The following THBS1 variants were observed in gnomAD, a reference collection of about 807,000 sequenced individuals.
THBS1 encodes the protein thrombospondin 1.
A neutral mutation model predicts 126.1 loss-of-function variants in THBS1; 29 were observed. The ratio of observed to expected loss-of-function variants is 0.23; its 90% confidence interval spans 0.17 to 0.31. The LOEUF (loss-of-function observed/expected upper bound fraction) is 0.31, where lower values mean the gene tolerates loss of function less well. Among genes scored for constraint, THBS1 ranks in the 10% least tolerant of loss-of-function variants. The probability of loss-of-function intolerance (pLI) is 1.00; values close to 1 mark genes in which losing one functional copy is unlikely to be tolerated. For synonymous variants in THBS1, 496 were observed against 577.8 expected (o/e 0.86, Z 2.03); for missense variants, 1,198 against 1,545.2 (o/e 0.78, Z 3.77).
In THBS1 at chr15:39,592,226, C is replaced by A. The variant is rs1566841835; in HGVS notation, c.2533-342C>A. Among the ~76,000 whole-genome samples, 1 of 152,130 alleles carries A rather than the reference C, an allele frequency of 6.6e-6. No homozygotes were observed. Among genetic ancestry groups the A allele is most frequent in the Non-Finnish European group, 1.5e-5 (1 of 68,010 alleles). On this transcript the variant is annotated intron_variant, in intron 16 of 21. Coordinates refer to ENST00000260356, the MANE Select transcript of THBS1 (RefSeq NM_003246.4). This position sits in a 1 kb window ranked among gnomAD's most constrained non-coding sequence, Gnocchi z 4.3. Reference sequence around the variant, plus strand: ...AAGGAAATTCTCTGTTATAAAGTATCCAGAAAATTTCATTTAACATTAAGA... The same window carrying A: ...AAGGAAATTCTCTGTTATAAAGTATACAGAAAATTTCATTTAACATTAAGA...
Position 39,592,472 on chromosome 15 carries a change from A to G in THBS1, c.2533-96A>G, listed in dbSNP as rs919613569. Reference sequence around the variant, plus strand: ...ACATGACACCCCACTGGCTGTATCAAACAATGGAGAATTTTCCCTGTGGTG... The same window carrying G: ...ACATGACACCCCACTGGCTGTATCAGACAATGGAGAATTTTCCCTGTGGTG... On this transcript the variant is annotated intron_variant, in intron 16 of 21. Coordinates refer to ENST00000260356, the MANE Select transcript of THBS1 (RefSeq NM_003246.4). This position sits in a 1 kb window ranked among gnomAD's most constrained non-coding sequence, Gnocchi z 4.3. 4.0e-6 allele frequency: 4 copies of G among 1,009,880 alleles called. No individual in the cohort carries two copies. The highest frequency in any genetic ancestry group is 5.9e-6 in the Non-Finnish European group (4 of 682,796). The allele number at this position is 1,009,880 out of a possible 1,614,324, so 62.6% of individuals were successfully genotyped here. A position where few individuals can be genotyped will look rare whatever the true frequency, so the allele number is the denominator to read the frequency against.
chr15:39,593,920 G>T lies in THBS1; in HGVS notation c.3268-179G>T, dbSNP rs529395643. 540 of 872,398 alleles carry T rather than the reference G, an allele frequency of 6.2e-4. 1 individual carries two copies. The highest frequency in any genetic ancestry group is 2.4e-3 in the Admixed American group (82 of 34,228). 54.0% of individuals were successfully genotyped at this position (872,398 alleles called of 1,614,324 possible). On this transcript the variant is annotated intron_variant, in intron 19 of 21. Transcript: ENST00000260356. This position sits in a 1 kb window ranked among gnomAD's most constrained non-coding sequence, Gnocchi z 5.9. ...AAACCTCCTTCCCTCCTCTCTGTCT[G>T]CTTTATATGTGTGCTCAGTGGCACA...
chr15:39,587,323 G>A lies in THBS1; in HGVS notation c.1121-24G>A, dbSNP rs761816380. The A allele has an allele frequency of 5.6e-6, 9 of 1,600,822 alleles. No homozygotes were observed. In the Admixed American group the frequency reaches 6.7e-5, roughly 12 times the overall value. ...AGCTTGTCCTAATCATCACGTACCT[G>A]ATGAACCTCTGTTTCCCCTGCAGCC... On this transcript the variant is annotated intron_variant, in intron 7 of 21. Transcript: ENST00000260356.
rs750132756 is a variant in THBS1, at chr15:39,593,122, C to T, written c.2890C>T (p.Pro964Ser). ...ETDFRRFQMI[P>S]LDPKGTSQND... The stretch of plus-strand genomic sequence containing the variant: ...CGATTTCCGCCGATTCCAGATGATT[C>T]CTCTGGACCCCAAAGGGACATCCCA... The change falls in exon 18 of 22, where the codon CCT (proline) becomes TCT (serine). Residue 964 changes from proline (P) to serine (S), a missense_variant. By Grantham distance (74) the Pro-to-Ser change is moderately conservative (BLOSUM62 -1). This residue lies in a region of THBS1 where 255 missense variants were observed against 373.9 expected (regional missense o/e 0.68). Coordinates refer to ENST00000260356, the MANE Select transcript of THBS1 (RefSeq NM_003246.4). The surrounding 1 kb of genome is among the most constrained non-coding windows in gnomAD (Gnocchi z 5.9). 1 of 1,599,794 alleles carries T rather than the reference C, an allele frequency of 6.3e-7. No individual in the cohort carries two copies. Among genetic ancestry groups the T allele is most frequent in the Non-Finnish European group, 8.5e-7 (1 of 1,173,782 alleles).
Position 39,594,733 on chromosome 15 carries a change from A to G in THBS1, c.3505+293A>G, listed in dbSNP as rs369152657. 3.0e-4 allele frequency among the ~76,000 whole-genome samples: 46 copies of G among 152,318 alleles called. No homozygotes were observed. The East Asian group carries it at 8.1e-3, about 27-fold the overall frequency. Reference sequence around the variant, plus strand: ...ATATAATTTGGACTTCATTAATAATACTGTTCTTTACAATTATATATTTAT... The same window carrying G: ...ATATAATTTGGACTTCATTAATAATGCTGTTCTTTACAATTATATATTTAT... On this transcript the variant is annotated intron_variant, in intron 21 of 21. Transcript: ENST00000260356. The surrounding 1 kb of genome is among the most constrained non-coding windows in gnomAD (Gnocchi z 4.4).
Position 39,590,594 on chromosome 15 carries a change from G to A in THBS1, c.2224G>A (p.Asp742Asn), listed in dbSNP as rs1350969818. ...AATTGGTGATGCCTGTGATGATGAC[G>A]ATGACAATGATAAAATTCCAGATGA... ...DGIGDACDDD[D>N]DNDKIPDDRD... Residue 742 changes from aspartate (D) to asparagine (N), a missense_variant, in exon 14 of 22, where the codon GAT (aspartate) becomes AAT (asparagine). By Grantham distance (23) the Asp-to-Asn change is conservative. Coordinates refer to ENST00000260356, the MANE Select transcript of THBS1 (RefSeq NM_003246.4). The A allele has an allele frequency of 6.2e-6, 10 of 1,613,552 alleles. No individual in the cohort carries two copies. Among genetic ancestry groups the A allele is most frequent in the South Asian group, 1.1e-5 (1 of 90,950 alleles).
At chr15:39,590,693 A>G in intron 14 of THBS1, 70 bp downstream of exon 14, 1 of 1,270,544 alleles carries the variant, frequency 7.9e-7, no homozygotes, top group Non-Finnish European at 1.1e-6. Flanking sequence ...TTGGGATTCA[A>G]GGAAATTACA....
Position 39,587,445 on chromosome 15 carries a change from G to A in THBS1, c.1219G>A (p.Asp407Asn), listed in dbSNP as rs1267085126. 3.7e-6 allele frequency: 6 copies of A among 1,613,762 alleles called. No individual in the cohort carries two copies. The highest frequency in any genetic ancestry group is 2.2e-5 in the East Asian group (1 of 44,888). ...AATTCAGCAGCGCGGCCGCTCCTGC[G>A]ATAGCCTCAACAACCGATGTGAGGG... ...NGIQQRGRSCDSLNNRCEGSS... is the reference protein window; with the variant it reads ...NGIQQRGRSCNSLNNRCEGSS... Residue 407 changes from aspartate (D) to asparagine (N), a missense_variant, in exon 8 of 22, where the codon GAT (aspartate) becomes AAT (asparagine). Asp to Asn is a conservative substitution (Grantham distance 23). Transcript: ENST00000260356.
chr15:39,583,723 G>A, intron 4 of THBS1, 31 bp downstream of exon 4: 1 of 1,590,342 alleles, frequency 6.3e-7, no homozygotes. Flanking sequence ...AGGGCACATA[G>A]GGAATCAGGG....
intron 7 of THBS1, chr15:39,587,052 C>A: frequency 4.4e-6 from 1 of 226,854 alleles, no homozygotes; most frequent in Non-Finnish European, 8.7e-6. Flanking sequence ...GGATTGTATG[C>A]TTAAAATTTG....
intron 7 of THBS1, among the ~76,000 whole-genome samples, chr15:39,586,132 T>A (rs1213918877): frequency 6.6e-6 from 1 of 152,178 alleles, no homozygotes; most frequent in Non-Finnish European, 1.5e-5. Flanking sequence ...GAGACAATAC[T>A]TAGTGTAGCA....
chr15:39,588,635 A>G lies in THBS1; in HGVS notation c.1581A>G (p.Gly527=). Reference sequence around the variant, plus strand: ...GCAACAACCCCACACCCCAGTTTGGAGGCAAGGACTGCGTTGGTGATGTAA... The same window carrying G: ...GCAACAACCCCACACCCCAGTTTGGGGGCAAGGACTGCGTTGGTGATGTAA... ...RLCNNPTPQF[G]GKDCVGDVTE... Residue 527 remains glycine, a synonymous_variant, in exon 10 of 22, where the codon GGA becomes GGG. Transcript: ENST00000260356. 6.2e-7 allele frequency: 1 copy of G among 1,610,818 alleles called. No homozygotes were observed. Among genetic ancestry groups the G allele is most frequent in the Non-Finnish European group, 8.5e-7 (1 of 1,178,782 alleles).
rs1385812558 is a variant in THBS1 at position 39,599,210 on chromosome 15, G to A, written c.*3841G>A. 3 of 152,146 alleles carry A rather than the reference G, an allele frequency of 2.0e-5. No individual in the cohort carries two copies. The highest frequency in any genetic ancestry group is 7.2e-5 in the African/African-American group (3 of 41,422). The allele number at this position is 152,146 out of a possible 1,614,324, so 9.4% of individuals were successfully genotyped here. On this transcript the variant is annotated 3_prime_UTR_variant, in exon 22 of 22. Coordinates refer to ENST00000260356, the MANE Select transcript of THBS1 (RefSeq NM_003246.4). ...TAACACTTTCTATCTAAATCAGGGT[G>A]ACTTTTTAAAAAAAATCCGGAAGCT...
intron 1 of THBS1, 190 bp from the exon 2 acceptor site, chr15:39,581,639 C>CCT (rs3138595): frequency 0.059 from 21,268 of 362,128 alleles, 202 homozygotes; most frequent in Non-Finnish European, 0.065. Context: ...CTTTCCTCCA[C>CCT]CTCTCTCTCT....
chr15:39,597,280 G>GTTTTTTTTTTTTTTTTTTTT lies in THBS1; in HGVS notation c.*1913_*1932dup. 127 of 48,068 alleles carry GTTTTTTTTTTTTTTTTTTTT rather than the reference G, an allele frequency of 2.6e-3. 1 individual carries two copies. The highest frequency in any genetic ancestry group is 0.028 in the Middle Eastern group (1 of 36). The allele number at this position is 48,068 out of a possible 1,614,324, so 3.0% of individuals were successfully genotyped here. On this transcript the variant is annotated 3_prime_UTR_variant, in exon 22 of 22. Coordinates refer to ENST00000260356, the MANE Select transcript of THBS1 (RefSeq NM_003246.4). Reference sequence around the variant, plus strand: ...GTTGGTTTTTTCTTTTTTTTGTTTTGTTTTTTTTTTTTTTTTTTTTTGCTT... The same window carrying GTTTTTTTTTTTTTTTTTTTT: ...GTTGGTTTTTTCTTTTTTTTGTTTTGTTTTTTTTTTTTTTTTTTTTTTTTTTTTTTTTTTTTTTTTTGCTT...
At position 39,593,954 on chromosome 15, in the gene THBS1, A is replaced by T; in HGVS notation, c.3268-145A>T. 3.2e-6 allele frequency: 3 copies of T among 941,410 alleles called. No homozygotes were observed. The highest frequency in any genetic ancestry group is 4.7e-6 in the Non-Finnish European group (3 of 639,624). 58.3% of individuals were successfully genotyped at this position (941,410 alleles called of 1,614,324 possible). On this transcript the variant is annotated intron_variant, in intron 19 of 21. Coordinates refer to ENST00000260356, the MANE Select transcript of THBS1 (RefSeq NM_003246.4). The surrounding 1 kb of genome is among the most constrained non-coding windows in gnomAD (Gnocchi z 5.9). ...GTGTGCTCAGTGGCACACAACAAAT[A>T]TGAGAGGACTTGGAAAAATTCCCCA...
rs1159794445 is a variant in THBS1, at chr15:39,597,615, A to G, written c.*2246A>G. 1 of 152,170 alleles carries G rather than the reference A, an allele frequency of 6.6e-6. No individual in the cohort carries two copies. The highest frequency in any genetic ancestry group is 1.9e-4 in the East Asian group (1 of 5,196). The allele number at this position is 152,170 out of a possible 1,614,324, so 9.4% of individuals were successfully genotyped here. ...CACAGTTTGTATGTGATTGAGAAAG[A>G]CTGAGTTGCTCAGGCCTAGGCTTAG... On this transcript the variant is annotated 3_prime_UTR_variant, in exon 22 of 22. Transcript: ENST00000260356.
chr15:39,587,591 A>G, intron 8 of THBS1, 71 bp downstream of exon 8: 2 of 1,456,790 alleles, frequency 1.4e-6, no homozygotes, highest in East Asian at 2.4e-5. Flanking sequence ...GGGCAGCTCC[A>G]CAGCATGTAT....
chr15:39,593,611 A>G lies in THBS1; in HGVS notation c.3210A>G (p.Thr1070=), dbSNP rs767329720. 6.2e-7 allele frequency: 1 copy of G among 1,614,206 alleles called. No individual in the cohort carries two copies. Among genetic ancestry groups the G allele is most frequent in the South Asian group, 1.1e-5 (1 of 91,086 alleles). The change falls in exon 19 of 22, where the codon ACA becomes ACG. Residue 1070 remains threonine (T), a synonymous_variant. Transcript: ENST00000260356. This position sits in a 1 kb window ranked among gnomAD's most constrained non-coding sequence, Gnocchi z 5.9. ...GLSVKVVNST[T]GPGEHLRNAL... is the part of the protein sequence containing the mutation. ...CTGTGAAAGTTGTAAACTCCACCACAGGGCCTGGCGAGCACCTGCGGAACG... is the reference window on the plus strand; with the variant it reads ...CTGTGAAAGTTGTAAACTCCACCACGGGGCCTGGCGAGCACCTGCGGAACG...
Sources: allele counts gnomAD v4.1 joint callset (sites outside exome capture counted in the v4.1 genomes callset), GRCh38; gene constraint gnomAD v4.1.1; regional missense constraint gnomAD v4.1.1; non-coding constraint Gnocchi (gnomAD v3.1); transcripts MANE v1.5; gene names NCBI Gene and HGNC (gene_info 2026-07-23, HGNC 2026-07-21).